Variants in GLIS3 observed in about 807,000 individuals in gnomAD.
GLIS3 encodes the protein GLIS family zinc finger 3.
In GLIS3, 53 loss-of-function variants were observed where a neutral mutation model predicts 78.6. That is an observed-to-expected ratio of 0.67 (90% CI 0.54 to 0.85). The LOEUF is 0.85. Among genes scored for constraint, GLIS3 ranks in the 40% least tolerant of loss-of-function variants. The probability of loss-of-function intolerance (pLI) is 0.00; values close to 1 mark genes in which losing one functional copy is unlikely to be tolerated. For synonymous variants in GLIS3, 684 were observed against 509.9 expected (o/e 1.34, Z -4.60); for missense variants, 1,703 against 1,231.1 (o/e 1.38, Z -5.74).
At chr9:4,302,593 G>A (rs1817119045), upstream of GLIS3, among the ~76,000 whole-genome samples, 2 of 152,206 alleles carry the variant, frequency 1.3e-5, no homozygotes, top group African/African-American at 4.8e-5. Context: ...AATGTATGAT[G>A]TGGCTATGAA....
chr9:4,320,890 G>T (rs545511460), intron 2 of GLIS3, among the ~76,000 whole-genome samples: 3 of 152,056 alleles, frequency 2.0e-5, no homozygotes, highest in East Asian at 1.9e-4. Flanking sequence ...CTGAAGGCAG[G>T]TAAGTTTTTT....
chr9:4,207,638 T>C (rs1293429670), intron 2 of GLIS3, among the ~76,000 whole-genome samples: 1 of 152,180 alleles, frequency 6.6e-6, no homozygotes, highest in African/African-American at 2.4e-5. Flanking sequence ...CCATACTATG[T>C]GTGACATAAG....
At chr9:4,123,666 T>C (rs1253247496) in intron 3 of GLIS3, 2 of 391,270 alleles carry the variant, frequency 5.1e-6, no homozygotes, top group Non-Finnish European at 9.0e-6. Flanking sequence ...AAAAAAGTAA[T>C]TAAAAACTAT....
At chr9:4,344,373 T>G (rs1225867881) in intron 2 of GLIS3, among the ~76,000 whole-genome samples, 2 of 152,248 alleles carry the variant, frequency 1.3e-5, no homozygotes, top group Non-Finnish European at 1.5e-5. Context: ...TGGCAATTCA[T>G]CAGCAGCATT....
At chr9:4,181,950 G>A (rs1205592602) in intron 2 of GLIS3, among the ~76,000 whole-genome samples, 1 of 152,184 alleles carries the variant, frequency 6.6e-6, no homozygotes, top group African/African-American at 2.4e-5. Flanking sequence ...CCACAGAATT[G>A]TGAGAAATAA....
Position 4,240,525 on chromosome 9 carries a change from A to T in GLIS3, c.388+45513T>A, listed in dbSNP as rs12350654. On this transcript the variant is annotated intron_variant, in intron 2 of 10. Coordinates refer to ENST00000381971, the MANE Select transcript of GLIS3 (RefSeq NM_001042413.2). ...CCTGAGATTTTCTCTCCAAAAAAAA[A>T]CTAGTAAAAATTATAAACAAGATTA... is the stretch of plus-strand genomic sequence containing the variant. 8.3e-3 allele frequency among the ~76,000 whole-genome samples: 1,266 copies of T among 152,304 alleles called. 25 individuals carry two copies. Among genetic ancestry groups the T allele is most frequent in the African/African-American group, 0.029 (1,219 of 41,554 alleles).
At chr9:4,326,028 G>C (rs1197746951) in intron 2 of GLIS3, among the ~76,000 whole-genome samples, 1 of 152,104 alleles carries the variant, frequency 6.6e-6, no homozygotes, top group Non-Finnish European at 1.5e-5. Flanking sequence ...CACACTGTGG[G>C]GAACAACACA....
the GLIS3 span, among the ~76,000 whole-genome samples, chr9:4,361,807 TG>T: frequency 6.6e-6 from 1 of 152,216 alleles, no homozygotes; most frequent in African/African-American, 2.4e-5. Flanking sequence ...ACCCTAAATT[TG>T]GTTGCAGATC....
At chr9:3,856,662 G>A (rs1819813848) in intron 8 of GLIS3, among the ~76,000 whole-genome samples, 1 of 152,280 alleles carries the variant, frequency 6.6e-6, no homozygotes, top group East Asian at 1.9e-4. Context: ...TCTTTATTAT[G>A]AGCCTCTCTA....
At chr9:4,257,340 G>C (rs1029624194) in intron 2 of GLIS3, among the ~76,000 whole-genome samples, 8 of 152,090 alleles carry the variant, frequency 5.3e-5, no homozygotes, top group Non-Finnish European at 1.0e-4. Flanking sequence ...GTGGGGATGT[G>C]AGATGCAAGT....
chr9:4,435,370 G>A, the GLIS3 span, among the ~76,000 whole-genome samples: 1 of 152,194 alleles, frequency 6.6e-6, no homozygotes, highest in African/African-American at 2.4e-5. Flanking sequence ...GTCCCAGGAT[G>A]ACTAATCAAG....
intron 8 of GLIS3, among the ~76,000 whole-genome samples, chr9:3,869,248 T>G (rs1485941562): frequency 7.9e-6 from 1 of 127,228 alleles, no homozygotes; most frequent in Non-Finnish European, 1.7e-5. Flanking sequence ...TTAAAGAGAG[T>G]GAGAAAAAAT....
At chr9:3,885,507 T>C (rs899469040) in intron 7 of GLIS3, among the ~76,000 whole-genome samples, 1 of 152,216 alleles carries the variant, frequency 6.6e-6, no homozygotes. Flanking sequence ...TAGAGTAATG[T>C]TGAGATCCTG....
chr9:4,061,123 T>A (rs1377154666), intron 4 of GLIS3, among the ~76,000 whole-genome samples: 3 of 152,100 alleles, frequency 2.0e-5, no homozygotes, highest in Admixed American at 6.6e-5. Flanking sequence ...CGTGCAGGTT[T>A]GTTACATATG....
intron 6 of GLIS3, among the ~76,000 whole-genome samples, chr9:3,921,306 C>T (rs377336208): frequency 9.2e-5 from 14 of 152,206 alleles, no homozygotes; most frequent in African/African-American, 3.1e-4. Context: ...TTGGATTTTT[C>T]ACTAAGTCCA....
intron 4 of GLIS3, among the ~76,000 whole-genome samples, chr9:3,963,800 G>A (rs552927112): frequency 6.6e-6 from 1 of 152,122 alleles, no homozygotes; most frequent in Non-Finnish European, 1.5e-5. Flanking sequence ...AAGGATGATG[G>A]TTCCTGGTAC....
At chr9:4,443,236 G>C in the GLIS3 span, among the ~76,000 whole-genome samples, 1 of 152,148 alleles carries the variant, frequency 6.6e-6, no homozygotes, top group Non-Finnish European at 1.5e-5. Context: ...AGCCCAGCAA[G>C]CCTGTAATTC....
At chr9:4,212,748 G>A (rs1563764807) in intron 2 of GLIS3, among the ~76,000 whole-genome samples, 1 of 152,150 alleles carries the variant, frequency 6.6e-6, no homozygotes, top group Non-Finnish European at 1.5e-5. Context: ...TGTGAGGAAC[G>A]GATGCTACTC....
chr9:4,083,022 G>A (rs1251794166), intron 4 of GLIS3, among the ~76,000 whole-genome samples: 1 of 152,142 alleles, frequency 6.6e-6, no homozygotes. Context: ...ACCTAGGTCT[G>A]AAGTGGTGAC....
Sources: gnomAD v4.1 joint callset for allele counts (sites outside exome capture counted in the v4.1 genomes callset) on GRCh38, gnomAD v4.1.1 for gene constraint, MANE v1.5 for transcripts, NCBI Gene and HGNC (gene_info 2026-07-23, HGNC 2026-07-21) for gene names.